EGFLAM: variants seen among roughly 807,000 people sequenced by gnomAD.
The protein encoded by EGFLAM is pikachurin.
In EGFLAM, 79 loss-of-function variants were observed where a neutral mutation model predicts 113.1. The observed-to-expected ratio is 0.70, with a 90% CI of 0.58 to 0.84. The LOEUF (loss-of-function observed/expected upper bound fraction) is 0.84. EGFLAM is among the 40% of genes least tolerant of loss of function. The pLI, the probability that EGFLAM is intolerant of heterozygous loss-of-function variation, is 0.00. For synonymous variants in EGFLAM, 504 were observed against 487.6 expected, an observed-to-expected ratio of 1.03 and a Z score of -0.44; for missense variants, 1,265 against 1,291.6, an observed-to-expected ratio of 0.98 and a Z score of 0.32.
At chr5:38,406,786 G>A (rs764658423) in intron 7 of EGFLAM, 42 bp from the exon 8 acceptor site, 3 of 1,573,248 alleles carry the variant, frequency 1.9e-6, no homozygotes, top group Non-Finnish European at 2.6e-6. Context: ...CAATTGCCAT[G>A]CTCTGTGTTC....
intron 1 of EGFLAM, among the ~76,000 whole-genome samples, chr5:38,321,600 G>T (rs1286649394): frequency 6.6e-6 from 1 of 152,176 alleles, no homozygotes; most frequent in Non-Finnish European, 1.5e-5. Context: ...ACTCTTTGGT[G>T]CTGCCACTGT....
At chr5:38,364,783 T>A (rs1351450387) in intron 5 of EGFLAM, among the ~76,000 whole-genome samples, 1 of 152,168 alleles carries the variant, frequency 6.6e-6, no homozygotes, top group Non-Finnish European at 1.5e-5. Flanking sequence ...TAGAATCAGA[T>A]TCAAGGCATG....
At chr5:38,332,510 A>T (rs942711954) in intron 1 of EGFLAM, among the ~76,000 whole-genome samples, 1 of 152,158 alleles carries the variant, frequency 6.6e-6, no homozygotes, top group Non-Finnish European at 1.5e-5. Context: ...GCAGCGCTAG[A>T]TGAATTAAAT....
chr5:38,279,146 C>T (rs1896658), intron 1 of EGFLAM, among the ~76,000 whole-genome samples: 94,186 of 152,016 alleles, frequency 0.62, 30,315 homozygotes, highest in African/African-American at 0.79. Context: ...ATCAGAGAAA[C>T]GCAAATCAAA....
intron 6 of EGFLAM, among the ~76,000 whole-genome samples, chr5:38,380,836 A>G (rs1405445419): frequency 2.0e-5 from 3 of 152,168 alleles, no homozygotes; most frequent in Admixed American, 2.0e-4. Flanking sequence ...TGCATCTTAC[A>G]TTATCATACA....
At chr5:38,292,696 T>G (rs1173013837) in intron 1 of EGFLAM, among the ~76,000 whole-genome samples, 1 of 152,244 alleles carries the variant, frequency 6.6e-6, no homozygotes, top group Non-Finnish European at 1.5e-5. Flanking sequence ...CATGAAAATT[T>G]TGTATAAATA....
chr5:38,360,079 C>T (rs888047669), intron 5 of EGFLAM, among the ~76,000 whole-genome samples: 1 of 152,188 alleles, frequency 6.6e-6, no homozygotes, highest in Non-Finnish European at 1.5e-5. Flanking sequence ...CTTCCATATT[C>T]TGTAAGTAAC....
At chr5:38,440,741 A>G (rs972251833) in intron 17 of EGFLAM, among the ~76,000 whole-genome samples, 9 of 152,210 alleles carry the variant, frequency 5.9e-5, no homozygotes, top group Non-Finnish European at 1.3e-4. Flanking sequence ...GCCTGTTCCC[A>G]GTATTCCTAC....
At chr5:38,277,123 A>T (rs551937228) in intron 1 of EGFLAM, among the ~76,000 whole-genome samples, 1 of 152,316 alleles carries the variant, frequency 6.6e-6, no homozygotes, top group Admixed American at 6.5e-5. Context: ...AAAGAAAACT[A>T]CAGGCCAATA....
intron 5 of EGFLAM, among the ~76,000 whole-genome samples, chr5:38,357,482 G>A (rs938585316): frequency 6.6e-6 from 1 of 152,028 alleles, no homozygotes; most frequent in Non-Finnish European, 1.5e-5. Flanking sequence ...GTGGGGGAGG[G>A]GGTTGTCTGC....
intron 19 of EGFLAM, among the ~76,000 whole-genome samples, chr5:38,452,339 T>C (rs1742947869): frequency 6.6e-6 from 1 of 152,080 alleles, no homozygotes; most frequent in African/African-American, 2.4e-5. Context: ...GCTTGTACTC[T>C]CTCATTTATA....
At position 38,364,377 on chromosome 5, in the gene EGFLAM, A is replaced by C. The variant is rs561380123; in HGVS notation, c.546-5919A>C. ...TTCTTATGGGAGCAAAGAAGGACACATCAGAGATTACCAGGCAAAAGGGGA... is the reference window on the plus strand; with the variant it reads ...TTCTTATGGGAGCAAAGAAGGACACCTCAGAGATTACCAGGCAAAAGGGGA... On this transcript the variant is annotated intron_variant, in intron 5 of 21. Transcript: ENST00000322350. Among the ~76,000 whole-genome samples, 51 of 152,286 alleles carry C rather than the reference A, an allele frequency of 3.3e-4. 1 individual carries two copies. The highest frequency in any genetic ancestry group is 1.2e-3 in the African/African-American group (51 of 41,556).
At chr5:38,370,535 C>A (rs1253107468) in intron 6 of EGFLAM, 73 bp downstream of exon 6, 3 of 1,520,660 alleles carry the variant, frequency 2.0e-6, no homozygotes, top group African/African-American at 1.4e-5. Context: ...ACTCACTTGA[C>A]CTGGATGCCG....
At chr5:38,349,792 CA>C (rs1739568997) in intron 3 of EGFLAM, among the ~76,000 whole-genome samples, 1 of 150,682 alleles carries the variant, frequency 6.6e-6, no homozygotes, top group Non-Finnish European at 1.5e-5. Flanking sequence ...CACACACACA[CA>C]CACACACACA....
rs980171332 is a variant in EGFLAM, at chr5:38,445,852, CTT to C, written c.2465-2448_2465-2447del. ...CTCCCCGCCGGCCAGCCAGAGGACA[CTT>C]CTCTCCTGAGCTGGGGGCTGAGCCG... On this transcript the variant is annotated intron_variant, in intron 17 of 21. Transcript: ENST00000322350. 5.7e-6 allele frequency: 5 copies of C among 871,684 alleles called. No individual in the cohort carries two copies. In the African/African-American group the frequency reaches 8.2e-5, roughly 14 times the overall value. 54.0% of individuals were successfully genotyped at this position (871,684 alleles called of 1,614,324 possible). A position where few individuals can be genotyped will look rare whatever the true frequency, so the allele number is the denominator to read the frequency against.
chr5:38,441,744 C>A (rs1030317979), intron 17 of EGFLAM, among the ~76,000 whole-genome samples: 1 of 152,142 alleles, frequency 6.6e-6, no homozygotes, highest in Non-Finnish European at 1.5e-5. Flanking sequence ...ATGCTCTGAG[C>A]GTCTAAGAGG....
At position 38,337,546 on chromosome 5, in the gene EGFLAM, A is replaced by C. The variant is rs746520691; in HGVS notation, c.124A>C (p.Lys42Gln). 6 of 1,604,652 alleles carry C rather than the reference A, an allele frequency of 3.7e-6. No individual in the cohort carries two copies. The East Asian group carries it at 1.3e-4, about 36-fold the overall frequency. ...CAAGGTAGGGCCTCCTCTTGACATC[A>C]AGCTGGGCGCATTGAACTGTACGGC... Reference protein sequence around the residue: ...PGKVGPPLDIKLGALNCTAFS... With the variant: ...PGKVGPPLDIQLGALNCTAFS... The change falls in exon 2 of 22, where the codon AAG (lysine) becomes CAG (glutamine). Residue 42 changes from lysine to glutamine, a missense_variant. Physicochemically the swap from Lys to Gln is moderately conservative, Grantham distance 53. Coordinates refer to ENST00000322350, the MANE Select transcript of EGFLAM (RefSeq NM_152403.4).
chr5:38,450,050 CTT>C (rs1352147151), intron 18 of EGFLAM, among the ~76,000 whole-genome samples: 3 of 152,162 alleles, frequency 2.0e-5, no homozygotes, highest in African/African-American at 7.2e-5. Flanking sequence ...TCATATGACT[CTT>C]TTTAAAAGAG....
chr5:38,319,100 C>T (rs1738676298), intron 1 of EGFLAM, among the ~76,000 whole-genome samples: 1 of 152,106 alleles, frequency 6.6e-6, no homozygotes, highest in Non-Finnish European at 1.5e-5. Context: ...CCAGTTGTTC[C>T]TCCACACCTT....
Sources: allele counts gnomAD v4.1 joint callset (sites outside exome capture counted in the v4.1 genomes callset), GRCh38; gene constraint gnomAD v4.1.1; transcripts MANE v1.5; gene names NCBI Gene and HGNC (gene_info 2026-07-23, HGNC 2026-07-21).